Variants in OPRM1 observed in about 807,000 individuals in gnomAD.
The protein encoded by OPRM1 is opioid receptor mu 1, also known as mu-type opioid receptor.
A neutral mutation model predicts 31.8 loss-of-function variants in OPRM1; 27 were observed. The ratio of observed to expected loss-of-function variants is 0.85; its 90% CI spans 0.63 to 1.17. The LOEUF is 1.17. Among genes scored for constraint, OPRM1 ranks in the 50% most tolerant of loss-of-function variants. OPRM1 has a pLI of 0.00. For missense variants in OPRM1, 536 were observed against 511.1 expected (o/e 1.05, Z -0.47); for synonymous variants, 196 against 189.9 (o/e 1.03, Z -0.26).
chr6:154,142,263 G>A (rs1031303864), intron 3 of OPRM1, among the ~76,000 whole-genome samples: 4 of 152,112 alleles, frequency 2.6e-5, no homozygotes, highest in African/African-American at 7.2e-5. Context: ...ACAATAGGTC[G>A]CAGCCAGCGC....
chr6:154,098,208 A>G (rs1281040004), intron 3 of OPRM1, among the ~76,000 whole-genome samples: 1 of 152,242 alleles, frequency 6.6e-6, no homozygotes, highest in African/African-American at 2.4e-5. Context: ...TCTTCTCAGC[A>G]TGGTCTCAGA....
upstream of OPRM1, among the ~76,000 whole-genome samples, chr6:154,035,704 A>C (rs1481323322): frequency 1.3e-5 from 2 of 152,146 alleles, no homozygotes; most frequent in Non-Finnish European, 2.9e-5. Flanking sequence ...GTTGAAATTC[A>C]AAGAAGAGAA....
intron 1 of OPRM1, among the ~76,000 whole-genome samples, chr6:154,013,331 A>C (rs1777830221): frequency 6.6e-6 from 1 of 152,196 alleles, no homozygotes; most frequent in African/African-American, 2.4e-5. Context: ...CATTTTAGTC[A>C]TTTTATATTC....
At chr6:154,032,340 G>A (rs2128388067) in intron 1 of OPRM1, among the ~76,000 whole-genome samples, 1 of 152,254 alleles carries the variant, frequency 6.6e-6, no homozygotes, top group African/African-American at 2.4e-5. Context: ...AAAAAATCAG[G>A]CCATCAACCA....
At chr6:154,150,681 C>T (rs561263444) in intron 3 of OPRM1, among the ~76,000 whole-genome samples, 3 of 152,336 alleles carry the variant, frequency 2.0e-5, no homozygotes, top group Non-Finnish European at 2.9e-5. Context: ...CTTCTTTACC[C>T]GCACATCCCC....
At chr6:154,107,728 A>G (rs1209645299) in intron 3 of OPRM1, 3 of 718,416 alleles carry the variant, frequency 4.2e-6, no homozygotes, top group Non-Finnish European at 7.8e-6. Flanking sequence ...GACTTCATCC[A>G]GTTTTTTTGT....
chr6:154,237,758 T>G (rs1170387956), intron 3 of OPRM1, among the ~76,000 whole-genome samples: 1 of 152,184 alleles, frequency 6.6e-6, no homozygotes, highest in African/African-American at 2.4e-5. Flanking sequence ...TACTGCTGGC[T>G]TGCTTCAAGA....
intron 1 of OPRM1, among the ~76,000 whole-genome samples, chr6:154,055,550 A>C (rs934446994): frequency 6.6e-6 from 1 of 152,176 alleles, no homozygotes; most frequent in African/African-American, 2.4e-5. Flanking sequence ...ATCCATTATA[A>C]TATTTCTAAT....
In OPRM1 at chr6:154,124,928, A is replaced by T. The variant is rs775783693; in HGVS notation, c.*6207A>T. Reference sequence around the variant, plus strand: ...CTAAAAGCACTCAGACATTTTGTAGAGCAAGTAGCAATCTATTCAAAGTTG... The same window carrying T: ...CTAAAAGCACTCAGACATTTTGTAGTGCAAGTAGCAATCTATTCAAAGTTG... On this transcript the variant is annotated 3_prime_UTR_variant, in exon 4 of 4. Transcript: ENST00000330432. Among the ~76,000 whole-genome samples, 2 of 152,212 alleles carry T rather than the reference A, an allele frequency of 1.3e-5. No homozygotes were observed. The highest frequency in any genetic ancestry group is 2.4e-5 in the African/African-American group (1 of 41,460).
intron 3 of OPRM1, among the ~76,000 whole-genome samples, chr6:154,096,671 A>T (rs142324335): frequency 6.6e-6 from 1 of 152,278 alleles, no homozygotes; most frequent in East Asian, 1.9e-4. Context: ...AAATGTAAGA[A>T]AATGCTCAGG....
rs1191740759 is a variant in OPRM1, at chr6:154,128,866, A to G, written c.*10145A>G. On this transcript the variant is annotated 3_prime_UTR_variant, in exon 4 of 4. Transcript: ENST00000330432. The stretch of plus-strand genomic sequence containing the variant: ...TTCTAGCTCTGTTTTTGCATAGTGC[A>G]CAGAGATCTTTGTAAAAAACAGGAA... 1.3e-5 allele frequency among the ~76,000 whole-genome samples: 2 copies of G among 152,258 alleles called. No homozygotes were observed. Among genetic ancestry groups the G allele is most frequent in the African/African-American group, 4.8e-5 (2 of 41,468 alleles).
At chr6:154,083,943 CAAAAAAAAA>C (rs57976654) in intron 1 of OPRM1, among the ~76,000 whole-genome samples, 4 of 35,164 alleles carry the variant, frequency 1.1e-4, no homozygotes, top group East Asian at 1.4e-3. Flanking sequence ...GACTCCGTCT[CAAAAAAAAA>C]AAAAAAAAAA....
chr6:154,046,471 C>T (rs1781136285), intron 1 of OPRM1, among the ~76,000 whole-genome samples: 1 of 152,162 alleles, frequency 6.6e-6, no homozygotes. Flanking sequence ...AAAATCCTGC[C>T]ACTCCCTTTT....
At chr6:154,093,786 A>T (rs531073321) in intron 3 of OPRM1, among the ~76,000 whole-genome samples, 23 of 152,336 alleles carry the variant, frequency 1.5e-4, no homozygotes, top group Non-Finnish European at 3.2e-4. Flanking sequence ...AAAAATTAAG[A>T]TAAATCAAAG....
At chr6:154,146,133 C>T (rs1279852583) in intron 3 of OPRM1, among the ~76,000 whole-genome samples, 1 of 152,226 alleles carries the variant, frequency 6.6e-6, no homozygotes, top group Non-Finnish European at 1.5e-5. Context: ...GACGCAGTGG[C>T]TCACGCCTGT....
At chr6:154,246,824 C>CCTG in exon 4 of OPRM1, 2 of 1,508,460 alleles carry the variant, frequency 1.3e-6, no homozygotes, top group Non-Finnish European at 8.9e-7. Flanking sequence ...AAGTATTATC[C>CCTG]TGATTTATGT....
intron 3 of OPRM1, chr6:154,091,787 G>C (rs1792309566): frequency 1.9e-6 from 2 of 1,056,534 alleles, no homozygotes; most frequent in Admixed American, 5.0e-5. Context: ...TTCTGATCTA[G>C]AATCCTTTTC....
intron 1 of OPRM1, among the ~76,000 whole-genome samples, chr6:154,027,414 C>T (rs760513271): frequency 6.6e-6 from 1 of 152,176 alleles, no homozygotes; most frequent in African/African-American, 2.4e-5. Context: ...TAGGACTCTG[C>T]TGGGTCAGAC....
chr6:154,169,804 A>G (rs1799730451), intron 3 of OPRM1, among the ~76,000 whole-genome samples: 1 of 152,364 alleles, frequency 6.6e-6, no homozygotes, highest in African/African-American at 2.4e-5. Flanking sequence ...TCACTGATTC[A>G]GAGATAAACA....
Sources: allele counts gnomAD v4.1 joint callset (sites outside exome capture counted in the v4.1 genomes callset), GRCh38; gene constraint gnomAD v4.1.1; transcripts MANE v1.5; gene names NCBI Gene and HGNC (gene_info 2026-07-23, HGNC 2026-07-21).